The following HELZ variants were observed in gnomAD, a reference collection of about 807,000 sequenced individuals.
The protein encoded by HELZ is ATP-dependent RNA helicase with zinc finger domain.
A neutral mutation model predicts 218.2 loss-of-function variants in HELZ; 23 were observed. The observed-to-expected ratio is 0.11, with a 90% CI of 0.08 to 0.15. The LOEUF is 0.15. Among genes scored for constraint, HELZ ranks in the 10% least tolerant of loss-of-function variants. The pLI, the probability that HELZ is intolerant of heterozygous loss-of-function variation, is 1.00. For missense variants in HELZ, 1,813 were observed against 2,353.7 expected, an observed-to-expected ratio of 0.77 and a Z score of 4.75; for synonymous variants, 814 against 829.4, an observed-to-expected ratio of 0.98 and a Z score of 0.32.
At chr17:67,193,506 A>C (rs1367002385) in intron 9 of HELZ, among the ~76,000 whole-genome samples, 1 of 152,154 alleles carries the variant, frequency 6.6e-6, no homozygotes, top group Non-Finnish European at 1.5e-5. Context: ...TCACAAGATC[A>C]GGAGTTCAAG....
intron 6 of HELZ, among the ~76,000 whole-genome samples, chr17:67,202,947 G>A (rs546318666): frequency 2.5e-4 from 38 of 151,992 alleles, no homozygotes; most frequent in Non-Finnish European, 4.4e-4. Context: ...AACATAATGA[G>A]ACCTCGTCTC....
intron 2 of HELZ, among the ~76,000 whole-genome samples, chr17:67,240,402 T>C (rs2041287870): frequency 6.6e-6 from 1 of 152,216 alleles, no homozygotes; most frequent in Admixed American, 6.5e-5. Context: ...CTTTTCTTTT[T>C]TTTAACCTTT....
chr17:67,092,981 T>C (rs1280057655), intron 31 of HELZ, among the ~76,000 whole-genome samples: 1 of 151,684 alleles, frequency 6.6e-6, no homozygotes, highest in African/African-American at 2.4e-5. Flanking sequence ...AAAAAAAAGA[T>C]AATCAAGGAT....
intron 19 of HELZ, 49 bp from the exon 20 acceptor site, chr17:67,148,763 T>C (rs1405450549): frequency 3.9e-6 from 6 of 1,521,302 alleles, no homozygotes; most frequent in East Asian, 4.6e-5. Flanking sequence ...ATACAAATAG[T>C]ATTTTTTAAC....
At chr17:67,242,543 TACACAC>T (rs1336112962) in intron 2 of HELZ, among the ~76,000 whole-genome samples, 2 of 131,660 alleles carry the variant, frequency 1.5e-5, no homozygotes, top group Admixed American at 1.5e-4. Context: ...TATGTATATA[TACACAC>T]ATATATGTAT....
chr17:67,217,458 T>A (rs894004613), intron 4 of HELZ, among the ~76,000 whole-genome samples: 1 of 152,216 alleles, frequency 6.6e-6, no homozygotes, highest in Non-Finnish European at 1.5e-5. Context: ...CTTATCCCTT[T>A]ACAGTTTATT....
At chr17:67,117,797 C>T (rs1297133506) in intron 27 of HELZ, among the ~76,000 whole-genome samples, 1 of 152,006 alleles carries the variant, frequency 6.6e-6, no homozygotes, top group African/African-American at 2.4e-5. Flanking sequence ...GTAATCTGCC[C>T]ACCTTGGCCT....
intron 21 of HELZ, among the ~76,000 whole-genome samples, chr17:67,139,177 G>A (rs2038244153): frequency 6.6e-6 from 1 of 152,074 alleles, no homozygotes; most frequent in Non-Finnish European, 1.5e-5. Context: ...CTACGAAGCA[G>A]TTCCCATGTC....
chr17:67,080,837 A>C (rs2036166462), intron 32 of HELZ, among the ~76,000 whole-genome samples: 1 of 152,180 alleles, frequency 6.6e-6, no homozygotes, highest in Admixed American at 6.5e-5. Flanking sequence ...GGATTTAAAC[A>C]GGTGGGGAAA....
At chr17:67,237,988 CAAA>C (rs796850668) in intron 3 of HELZ, among the ~76,000 whole-genome samples, 8 of 87,054 alleles carry the variant, frequency 9.2e-5, no homozygotes, top group Admixed American at 1.4e-4. Context: ...GACTCCATCT[CAAA>C]AAAAAAAAAA....
intron 20 of HELZ, 130 bp downstream of exon 20, chr17:67,148,439 A>C (rs955845540): frequency 2.9e-6 from 2 of 688,080 alleles, no homozygotes; most frequent in Non-Finnish European, 4.7e-6. Flanking sequence ...AATTAAACAT[A>C]ATTTGCAAGA....
chr17:67,200,986 G>T, intron 7 of HELZ, 143 bp downstream of exon 7: 2 of 712,502 alleles, frequency 2.8e-6, no homozygotes, highest in Non-Finnish European at 5.2e-6. Flanking sequence ...GGGTTACGAG[G>T]GAAGGCTGGC....
At chr17:67,193,344 C>CAAA (rs34516607) in intron 9 of HELZ, among the ~76,000 whole-genome samples, 5 of 91,902 alleles carry the variant, frequency 5.4e-5, no homozygotes, top group East Asian at 3.4e-4. Flanking sequence ...GACTCTGTCT[C>CAAA]AAAAAAAAAA....
chr17:67,191,690 G>T (rs1465706038), intron 9 of HELZ, among the ~76,000 whole-genome samples: 1 of 150,656 alleles, frequency 6.6e-6, no homozygotes, highest in Non-Finnish European at 1.5e-5. Flanking sequence ...GACCTCAAGT[G>T]ATCCACCTGC....
chr17:67,190,393 T>C (rs2039861675), intron 9 of HELZ, 38 bp from the exon 10 acceptor site: 1 of 1,476,286 alleles, frequency 6.8e-7, no homozygotes, highest in African/African-American at 1.4e-5. Flanking sequence ...TCATATACTT[T>C]GTTGAACCAT....
chr17:67,145,918 G>A, intron 20 of HELZ, 28 bp from the exon 21 acceptor site: 1 of 1,587,714 alleles, frequency 6.3e-7, no homozygotes, highest in Non-Finnish European at 8.5e-7. Flanking sequence ...AAGAAAAAAG[G>A]GGGAAAATCT....
In HELZ at chr17:67,188,446, G is replaced by A. The variant is rs775659541; in HGVS notation, c.1035C>T (p.Tyr345=). Residue 345 remains tyrosine, a synonymous_variant, in exon 12 of 33, where the codon TAC becomes TAT. Coordinates refer to ENST00000358691, the MANE Select transcript of HELZ (RefSeq NM_014877.4). This position sits in a 1 kb window ranked among gnomAD's most constrained non-coding sequence, Gnocchi z 4.1. The part of the protein sequence containing the change: ...GKMAQNGLDH[Y]VYKVGIAFNT... ...TAAATGCTATCCCGACTTTATACAC[G>A]TAATGATCTAATCCATTTTGGGCCA... 6.8e-6 allele frequency: 11 copies of A among 1,613,744 alleles called. No individual in the cohort carries two copies. The highest frequency in any genetic ancestry group is 1.3e-5 in the African/African-American group (1 of 74,870).
rs569587690 is a variant in HELZ, at chr17:67,119,868, T to C, written c.3838+537A>G. On this transcript the variant is annotated intron_variant, in intron 27 of 32. Transcript: ENST00000358691. ...TTTTTCAGAAACTCAGTGACACCAA[T>C]CATAAGTGGTAGGATTTAACCTAAA... The C allele has an allele frequency of 7.7e-5, 29 of 376,638 alleles. No individual in the cohort carries two copies. The East Asian group carries it at 2.6e-3, about 34-fold the overall frequency. The allele number at this position is 376,638 out of a possible 1,614,324, so 23.3% of individuals were successfully genotyped here.
At position 67,155,684 on chromosome 17, in the gene HELZ, A is replaced by G. The variant is rs563419497; in HGVS notation, c.2178-4460T>C. On this transcript the variant is annotated intron_variant, in intron 17 of 32. Coordinates refer to ENST00000358691, the MANE Select transcript of HELZ (RefSeq NM_014877.4). ...AAACCCTGTCTCTACTAAAAACACA[A>G]AAGTTAACTGGGCGTGGTGGCGTGT... 1.5e-4 allele frequency among the ~76,000 whole-genome samples: 23 copies of G among 152,234 alleles called. No homozygotes were observed. The East Asian group carries it at 4.2e-3, about 28-fold the overall frequency.
Sources: allele counts gnomAD v4.1 joint callset (sites outside exome capture counted in the v4.1 genomes callset), GRCh38; gene constraint gnomAD v4.1.1; non-coding constraint Gnocchi (gnomAD v3.1); transcripts MANE v1.5; gene names NCBI Gene and HGNC (gene_info 2026-07-23, HGNC 2026-07-21).